Variants in SCUBE1 observed in about 807,000 individuals in gnomAD.
SCUBE1 encodes the protein signal peptide, CUB and EGF-like domain-containing protein 1.
Under a neutral mutation model 124.4 loss-of-function variants are expected in SCUBE1, and 59 were observed. The ratio of observed to expected loss-of-function variants is 0.47; its 90% confidence interval spans 0.38 to 0.59. The LOEUF (loss-of-function observed/expected upper bound fraction) is 0.59. SCUBE1 is among the 20% of genes least tolerant of loss of function. The pLI, the probability that SCUBE1 is intolerant of heterozygous loss-of-function variation, is 0.00. For synonymous variants in SCUBE1, 545 were observed against 550.9 expected (o/e 0.99, Z 0.15); for missense variants, 1,150 against 1,371.2 (o/e 0.84, Z 2.55).
chr22:43,275,468 C>T (rs1924468140), intron 4 of SCUBE1, among the ~76,000 whole-genome samples: 1 of 152,218 alleles, frequency 6.6e-6, no homozygotes, highest in African/African-American at 2.4e-5. Context: ...TGCACCCTGC[C>T]CTGTGTGAGA....
chr22:43,225,433 T>C (rs1347419298), intron 10 of SCUBE1, among the ~76,000 whole-genome samples: 2 of 151,704 alleles, frequency 1.3e-5, no homozygotes, highest in Non-Finnish European at 2.9e-5. Flanking sequence ...TTCACCTAAG[T>C]GTTAGGATCT....
intron 1 of SCUBE1, among the ~76,000 whole-genome samples, chr22:43,342,244 G>A (rs796503565): frequency 5.9e-4 from 89 of 151,340 alleles, no homozygotes; most frequent in African/African-American, 2.1e-3. Context: ...CAGAGAGCAG[G>A]AGGGGACCGG....
At position 43,201,542 on chromosome 22, in the gene SCUBE1, A is replaced by C. The variant is rs1032120115; in HGVS notation, c.*2455T>G. On this transcript the variant is annotated 3_prime_UTR_variant, in exon 22 of 22. Transcript: ENST00000360835. ...CAATCTGTTGAGGGCCCCAATAGAA[A>C]AGAAGGAGGAGGAAGGGAGAATCCT... is the stretch of plus-strand genomic sequence containing the variant. The C allele has an allele frequency of 6.6e-6, 1 of 151,836 alleles. No homozygotes were observed. The highest frequency in any genetic ancestry group is 2.4e-5 in the African/African-American group (1 of 41,328). The allele number at this position is 151,836 out of a possible 1,614,324, so 9.4% of individuals were successfully genotyped here. A position where few individuals can be genotyped will look rare whatever the true frequency, so the allele number is the denominator to read the frequency against.
Position 43,250,225 on chromosome 22 carries a change from C to T in SCUBE1, c.727+7994G>A, listed in dbSNP as rs748334643. Among the ~76,000 whole-genome samples the T allele has an allele frequency of 7.9e-5, 12 of 152,356 alleles. No individual in the cohort carries two copies. The East Asian group carries it at 9.6e-4, about 12-fold the overall frequency. The stretch of plus-strand genomic sequence containing the variant: ...CCGAAGCTTTTCCCTCTCCTCTGGA[C>T]GCCTGGGGGCTCCTGCAGGTCTAGG... On this transcript the variant is annotated intron_variant, in intron 6 of 21. Coordinates refer to ENST00000360835, the MANE Select transcript of SCUBE1 (RefSeq NM_173050.5).
At chr22:43,323,030 G>T (rs910664315) in intron 2 of SCUBE1, among the ~76,000 whole-genome samples, 1 of 152,184 alleles carries the variant, frequency 6.6e-6, no homozygotes, top group African/African-American at 2.4e-5. Flanking sequence ...TCAGAACAAA[G>T]GTCTTTCAGT....
intron 2 of SCUBE1, among the ~76,000 whole-genome samples, chr22:43,329,775 C>T (rs1171612749): frequency 6.6e-6 from 1 of 152,240 alleles, no homozygotes; most frequent in Non-Finnish European, 1.5e-5. Context: ...CACAAGGCCC[C>T]GAGTCCTCTT....
chr22:43,287,593 C>G (rs1176504850), intron 4 of SCUBE1, among the ~76,000 whole-genome samples: 1 of 152,250 alleles, frequency 6.6e-6, no homozygotes, highest in Non-Finnish European at 1.5e-5. Flanking sequence ...GGGCCAACCC[C>G]TCTCATGCAT....
Position 43,212,454 on chromosome 22 carries a change from G to A in SCUBE1, c.2192C>T (p.Thr731Ile). 1 of 1,552,500 alleles carries A rather than the reference G, an allele frequency of 6.4e-7. No individual in the cohort carries two copies. The highest frequency in any genetic ancestry group is 2.4e-5 in the East Asian group (1 of 41,086). The change falls in exon 17 of 22, where the codon ACC (threonine) becomes ATC (isoleucine). Residue 731 changes from threonine to isoleucine, a missense_variant. Transcript: ENST00000360835. ...GGGLLTKHEG[T>I]TSFQDCEAKV... is the part of the protein sequence containing the mutation. ...AGCCTCGCAGTCCTGGAAGGAGGTG[G>A]TGCCTTCGTGTTTGGTGAGCAAACC...
At position 43,288,698 on chromosome 22, in the gene SCUBE1, G is replaced by A. The variant is rs148968437; in HGVS notation, c.484+2348C>T. ...CACACCGCATCACCTCCCAAGGAGC[G>A]GGCCCCATAGCTAGCGTGCCTGGCT... On this transcript the variant is annotated intron_variant, in intron 4 of 21. Coordinates refer to ENST00000360835, the MANE Select transcript of SCUBE1 (RefSeq NM_173050.5). Among the ~76,000 whole-genome samples, 65 of 152,320 alleles carry A rather than the reference G, an allele frequency of 4.3e-4. 1 individual carries two copies. In the East Asian group the frequency reaches 0.012, roughly 28 times the overall value.
chr22:43,249,675 A>G (rs1923362105), intron 6 of SCUBE1, among the ~76,000 whole-genome samples: 1 of 151,982 alleles, frequency 6.6e-6, no homozygotes, highest in African/African-American at 2.4e-5. Flanking sequence ...CATTTGGGGG[A>G]CGGGAAACCC....
chr22:43,219,598 TGAG>T (rs1569498584), intron 14 of SCUBE1, among the ~76,000 whole-genome samples: 1 of 151,946 alleles, frequency 6.6e-6, no homozygotes, highest in Admixed American at 6.6e-5. Flanking sequence ...CTCAGCCTCC[TGAG>T]TAGCTGGGAT....
chr22:43,204,300 TTTTA>T (rs1319993387), intron 21 of SCUBE1, 151 bp from the exon 22 acceptor site: 3 of 640,892 alleles, frequency 4.7e-6, no homozygotes, highest in South Asian at 2.0e-5. Context: ...TATAACTGGT[TTTTA>T]TTTGTTTATT....
At position 43,255,993 on chromosome 22, in the gene SCUBE1, CAGGCACAGGACA is replaced by C. The variant is rs1298181361; in HGVS notation, c.727+2214_727+2225del. ...ACCCCCGTGGCTCAGGCTGGAGAGG[CAGGCACAGGACA>C]AGGCACAGGACAAGGGGACAGGGCC... On this transcript the variant is annotated intron_variant, in intron 6 of 21. Coordinates refer to ENST00000360835, the MANE Select transcript of SCUBE1 (RefSeq NM_173050.5). The surrounding 1 kb of genome is among the most constrained non-coding windows in gnomAD (Gnocchi z 4.7). Among the ~76,000 whole-genome samples, 2 of 152,110 alleles carry C rather than the reference CAGGCACAGGACA, an allele frequency of 1.3e-5. No individual in the cohort carries two copies. The highest frequency in any genetic ancestry group is 2.9e-5 in the Non-Finnish European group (2 of 68,028).
intron 2 of SCUBE1, among the ~76,000 whole-genome samples, chr22:43,333,690 A>C (rs1433666648): frequency 6.6e-6 from 1 of 152,236 alleles, no homozygotes; most frequent in African/African-American, 2.4e-5. Context: ...ACAGCCAGTT[A>C]AAAGCAGGCA....
intron 3 of SCUBE1, among the ~76,000 whole-genome samples, chr22:43,298,739 C>G (rs1407281943): frequency 6.6e-6 from 1 of 151,328 alleles, no homozygotes; most frequent in African/African-American, 2.4e-5. Flanking sequence ...CTCTACAAGT[C>G]ATACCAGATG....
In SCUBE1 at chr22:43,210,053, C is replaced by T. The variant is rs1363346143; in HGVS notation, c.2571G>A (p.Met857Ile). The stretch of plus-strand genomic sequence containing the variant: ...CGGCCCCCAACATACCACTCTTCCT[C>T]ATGACCAGAACATCGCCGCACTCAT... Reference protein sequence around the residue: ...IEDECGDVLVMRKSASPTSIT... With the variant: ...IEDECGDVLVIRKSASPTSIT... The change falls in exon 19 of 22, where the codon ATG (methionine) becomes ATA (isoleucine). Residue 857 changes from methionine to isoleucine, a missense_variant. Physicochemically the swap from Met to Ile is conservative, Grantham distance 10 (BLOSUM62 1). Coordinates refer to ENST00000360835, the MANE Select transcript of SCUBE1 (RefSeq NM_173050.5). The surrounding 1 kb of genome is among the most constrained non-coding windows in gnomAD (Gnocchi z 4.5). The T allele has an allele frequency of 3.7e-6, 6 of 1,607,124 alleles. No individual in the cohort carries two copies. In the African/African-American group the frequency reaches 4.0e-5, roughly 11 times the overall value.
intron 4 of SCUBE1, among the ~76,000 whole-genome samples, chr22:43,275,032 C>T (rs1018117127): frequency 6.6e-5 from 10 of 152,224 alleles, no homozygotes; most frequent in Non-Finnish European, 1.5e-4. Flanking sequence ...AACAGACAAA[C>T]GTGTGGGCGA....
chr22:43,215,376 G>A (rs1463190287), intron 15 of SCUBE1, among the ~76,000 whole-genome samples: 2 of 152,216 alleles, frequency 1.3e-5, no homozygotes, highest in African/African-American at 4.8e-5. Flanking sequence ...AAACGGCCAT[G>A]GCCACCCACT....
At chr22:43,293,749 G>A (rs984628672) in intron 3 of SCUBE1, among the ~76,000 whole-genome samples, 2 of 152,230 alleles carry the variant, frequency 1.3e-5, no homozygotes, top group South Asian at 4.1e-4. Flanking sequence ...ATGGTTCTCA[G>A]ATTCCCTGCT....
Sources: allele counts gnomAD v4.1 joint callset (sites outside exome capture counted in the v4.1 genomes callset), GRCh38; gene constraint gnomAD v4.1.1; non-coding constraint Gnocchi (gnomAD v3.1); transcripts MANE v1.5; gene names NCBI Gene and HGNC (gene_info 2026-07-23, HGNC 2026-07-21).